The following ANKRD28 variants were observed in gnomAD, a reference collection of about 807,000 sequenced individuals.
The protein encoded by ANKRD28 is serine/threonine-protein phosphatase 6 regulatory ankyrin repeat subunit A.
In ANKRD28, 44 loss-of-function variants were observed where a neutral mutation model predicts 126.5. The ratio of observed to expected loss-of-function variants is 0.35; its 90% CI spans 0.27 to 0.45. The LOEUF is 0.45. ANKRD28 is among the 20% of genes least tolerant of loss of function. The pLI is 1.00. For synonymous variants in ANKRD28, 442 were observed against 468.5 expected, an observed-to-expected ratio of 0.94 and a Z score of 0.73; for missense variants, 1,110 against 1,316.6, an observed-to-expected ratio of 0.84 and a Z score of 2.43.
At chr3:15,783,121 A>C (rs943182984) in intron 2 of ANKRD28, among the ~76,000 whole-genome samples, 4 of 152,010 alleles carry the variant, frequency 2.6e-5, no homozygotes, top group Admixed American at 6.6e-5. Flanking sequence ...GCTTTTCAAA[A>C]ACACTCTTAA....
chr3:15,685,188 A>G, intron 21 of ANKRD28, 38 bp downstream of exon 21: 1 of 1,585,330 alleles, frequency 6.3e-7, no homozygotes, highest in Non-Finnish European at 8.7e-7. Context: ...ATCTCTGTTC[A>G]CTACACAATG....
intron 8 of ANKRD28, 42 bp from the exon 9 acceptor site, chr3:15,714,698 T>C: frequency 7.1e-7 from 1 of 1,416,296 alleles, no homozygotes; most frequent in Non-Finnish European, 9.7e-7. Context: ...ACTATATCCA[T>C]AATGTGTAAA....
At chr3:15,790,786 T>C (rs1485421826) in intron 2 of ANKRD28, among the ~76,000 whole-genome samples, 1 of 152,088 alleles carries the variant, frequency 6.6e-6, no homozygotes, top group Non-Finnish European at 1.5e-5. Context: ...AAGTCCTATC[T>C]AGCTCAATCA....
chr3:15,711,021 T>C (rs1332010682), intron 12 of ANKRD28, among the ~76,000 whole-genome samples, 190 bp downstream of exon 12: 1 of 152,106 alleles, frequency 6.6e-6, no homozygotes, highest in African/African-American at 2.4e-5. Flanking sequence ...CTCTCACTCA[T>C]AACCTACAAC....
At chr3:15,823,900 A>T (rs886975449) in intron 1 of ANKRD28, among the ~76,000 whole-genome samples, 1 of 152,210 alleles carries the variant, frequency 6.6e-6, no homozygotes, top group African/African-American at 2.4e-5. Flanking sequence ...CATAGAAGGG[A>T]ACTTCTTTAC....
intron 6 of ANKRD28, among the ~76,000 whole-genome samples, chr3:15,727,549 A>C (rs559556294): frequency 1.8e-4 from 26 of 145,448 alleles, no homozygotes; most frequent in Admixed American, 4.9e-4. Flanking sequence ...CCTGGGCAAC[A>C]AAGCGAAACT....
Position 15,709,695 on chromosome 3 carries a change from T to A in ANKRD28, c.1379A>T (p.Asp460Val), listed in dbSNP as rs757026370. The A allele has an allele frequency of 1.2e-5, 19 of 1,584,448 alleles. No homozygotes were observed. ...CLNLLLNTGA[D>V]FNKKDKFGRS... ...CCCAAATTTGTCCTTTTTATTAAAG[T>A]CTGCACCAGTATTCAGCAGAAGGTT... The change falls in exon 13 of 28, where the codon GAC becomes GTC. Residue 460 changes from aspartate to valine, a missense_variant. Transcript: ENST00000683139.
At chr3:15,746,173 C>T (rs1475496800) in intron 4 of ANKRD28, among the ~76,000 whole-genome samples, 2 of 152,166 alleles carry the variant, frequency 1.3e-5, no homozygotes, top group Non-Finnish European at 2.9e-5. Flanking sequence ...GTTTGACTTC[C>T]TCTTTACTGA....
chr3:15,687,626 G>A (rs1186663454), intron 18 of ANKRD28, among the ~76,000 whole-genome samples: 1 of 151,584 alleles, frequency 6.6e-6, no homozygotes, highest in African/African-American at 2.4e-5. Context: ...GCTAGGTGCT[G>A]AATATTCCAC....
At chr3:15,808,063 A>T (rs1367075710) in intron 1 of ANKRD28, among the ~76,000 whole-genome samples, 1 of 152,336 alleles carries the variant, frequency 6.6e-6, no homozygotes, top group Admixed American at 6.5e-5. Flanking sequence ...GAGTTGGACC[A>T]ATTAAACACT....
intron 2 of ANKRD28, among the ~76,000 whole-genome samples, chr3:15,767,213 G>A (rs536934547): frequency 7.0e-4 from 106 of 152,198 alleles, no homozygotes; most frequent in African/African-American, 2.5e-3. Flanking sequence ...TCCAGTTCAA[G>A]ATGCAAGATT....
intron 4 of ANKRD28, among the ~76,000 whole-genome samples, chr3:15,751,492 A>G (rs372689107): frequency 2.6e-5 from 4 of 152,332 alleles, no homozygotes; most frequent in African/African-American, 9.6e-5. Context: ...TATATAGGAC[A>G]GAAAAATGAT....
chr3:15,777,821 T>C (rs1575641850), intron 2 of ANKRD28, among the ~76,000 whole-genome samples: 4 of 142,908 alleles, frequency 2.8e-5, no homozygotes, highest in East Asian at 4.1e-4. Context: ...ACCTGGACAG[T>C]TGACTGCTCC....
chr3:15,820,834 A>T lies in ANKRD28; in HGVS notation c.28-25528T>A, dbSNP rs142267873. Among the ~76,000 whole-genome samples, 793 of 152,244 alleles carry T rather than the reference A, an allele frequency of 5.2e-3. 7 individuals are homozygous for T. The highest frequency in any genetic ancestry group is 0.018 in the African/African-American group (744 of 41,546). On this transcript the variant is annotated intron_variant, in intron 1 of 27. Coordinates refer to the ANKRD28 transcript ENST00000399451. Reference sequence around the variant, plus strand: ...AATTTTAGATTGACATCTCCCTATTACCCTATTCACAGATAATACTGTTTT... The same window carrying T: ...AATTTTAGATTGACATCTCCCTATTTCCCTATTCACAGATAATACTGTTTT...
intron 3 of ANKRD28, among the ~76,000 whole-genome samples, chr3:15,759,480 T>C (rs1229907008): frequency 6.6e-6 from 1 of 152,190 alleles, no homozygotes; most frequent in Non-Finnish European, 1.5e-5. Flanking sequence ...ATTCTATGGA[T>C]GTATTCACTT....
At chr3:15,713,882 G>A (rs551428815) in intron 9 of ANKRD28, among the ~76,000 whole-genome samples, 91 of 152,228 alleles carry the variant, frequency 6.0e-4, no homozygotes, top group African/African-American at 2.2e-3. Context: ...AGAGGGTTCT[G>A]GGGTCCAATA....
At chr3:15,709,502 T>G (rs1236519638) in intron 13 of ANKRD28, among the ~76,000 whole-genome samples, 166 bp downstream of exon 13, 1 of 152,084 alleles carries the variant, frequency 6.6e-6, no homozygotes, top group Non-Finnish European at 1.5e-5. Context: ...AAACTGTGGG[T>G]GAGAACGAAT....
intron 2 of ANKRD28, among the ~76,000 whole-genome samples, chr3:15,783,760 AG>A (rs1488032220): frequency 6.6e-6 from 1 of 152,072 alleles, no homozygotes; most frequent in East Asian, 1.9e-4. Context: ...AAAAAGCAGA[AG>A]AAATATTTGA....
intron 1 of ANKRD28, among the ~76,000 whole-genome samples, chr3:15,844,711 A>G (rs1427330615): frequency 1.3e-5 from 2 of 152,210 alleles, no homozygotes; most frequent in Non-Finnish European, 2.9e-5. Flanking sequence ...GATAATCTGT[A>G]ATAGTTAAAC....
Sources: allele counts gnomAD v4.1 joint callset (sites outside exome capture counted in the v4.1 genomes callset), GRCh38; gene constraint gnomAD v4.1.1; transcripts MANE v1.5; gene names NCBI Gene and HGNC (gene_info 2026-07-23, HGNC 2026-07-21).